The following SLA2 variants were observed in gnomAD, a reference collection of about 807,000 sequenced individuals.
SLA2 encodes the protein src-like-adapter 2.
Under a neutral mutation model 27.3 loss-of-function variants are expected in SLA2, and 22 were observed. That is an observed-to-expected ratio of 0.81 (90% CI 0.58 to 1.15). The LOEUF (loss-of-function observed/expected upper bound fraction) is 1.15, where lower values mean the gene tolerates loss of function less well. Ranked by LOEUF, SLA2 falls within the 50% of genes most tolerant of loss-of-function variation. The pLI, the probability that SLA2 is intolerant of heterozygous loss-of-function variation, is 0.00. For synonymous variants in SLA2, 131 were observed against 137.8 expected (o/e 0.95, Z 0.34); for missense variants, 304 against 322.2 (o/e 0.94, Z 0.43).
At chr20:36,614,544 C>T in intron 6 of SLA2, 107 bp from the exon 7 acceptor site, 2 of 1,492,968 alleles carry the variant, frequency 1.3e-6, no homozygotes, top group Non-Finnish European at 1.8e-6. Flanking sequence ...GCATGGTTAC[C>T]AAAGAGTGAT....
At chr20:36,642,456 T>C (rs1450265377) in intron 1 of SLA2, among the ~76,000 whole-genome samples, 3 of 151,358 alleles carry the variant, frequency 2.0e-5, no homozygotes, top group Non-Finnish European at 1.5e-5. Context: ...CAGGCTAGAG[T>C]GTAGTGGTGT....
At chr20:36,635,529 A>G (rs1218050400) in intron 2 of SLA2, among the ~76,000 whole-genome samples, 3 of 151,884 alleles carry the variant, frequency 2.0e-5, no homozygotes, top group Non-Finnish European at 4.4e-5. Context: ...CCGGGTGGGC[A>G]TGGGAAGACC....
At chr20:36,635,604 T>C (rs1468885998) in intron 2 of SLA2, among the ~76,000 whole-genome samples, 1 of 152,062 alleles carries the variant, frequency 6.6e-6, no homozygotes, top group Non-Finnish European at 1.5e-5. Context: ...GACCCTGCAG[T>C]GAACCCAGCC....
intron 1 of SLA2, among the ~76,000 whole-genome samples, chr20:36,643,952 C>T: frequency 6.6e-6 from 1 of 151,752 alleles, no homozygotes; most frequent in Admixed American, 6.6e-5. Context: ...ACTCTGTACC[C>T]CCCTCCCGCC....
At chr20:36,644,395 C>T (rs774620594) in intron 1 of SLA2, among the ~76,000 whole-genome samples, 7 of 152,164 alleles carry the variant, frequency 4.6e-5, no homozygotes, top group East Asian at 1.9e-4. Flanking sequence ...ACAGGCGCCA[C>T]GGGGCTGTGG....
At chr20:36,626,403 C>A (rs75265339) in intron 5 of SLA2, among the ~76,000 whole-genome samples, 2 of 148,948 alleles carry the variant, frequency 1.3e-5, no homozygotes, top group Admixed American at 6.7e-5. Flanking sequence ...AAAAAAAAAA[C>A]ACACACAAAA....
chr20:36,624,757 T>G (rs1253812234), intron 5 of SLA2, among the ~76,000 whole-genome samples: 1 of 152,206 alleles, frequency 6.6e-6, no homozygotes, highest in Non-Finnish European at 1.5e-5. Flanking sequence ...ATATTGAGCA[T>G]TTACTAAGAC....
At chr20:36,625,216 A>ATTTTTTTTTTTTTTTTTTTTT (rs71186005) in intron 5 of SLA2, among the ~76,000 whole-genome samples, 2 of 78,490 alleles carry the variant, frequency 2.5e-5, no homozygotes, top group African/African-American at 1.1e-4. Flanking sequence ...ACGTACCCTG[A>ATTTTTTTTTTTTTTTTTTTTT]TTTTTTTTTT....
chr20:36,614,979 C>T (rs2039191305), intron 6 of SLA2: 2 of 985,396 alleles, frequency 2.0e-6, no homozygotes, highest in East Asian at 1.1e-4. Flanking sequence ...GAGTCAGAAC[C>T]AGAGTGGTAG....
intron 2 of SLA2, among the ~76,000 whole-genome samples, 162 bp from the exon 3 acceptor site, chr20:36,634,751 T>C (rs1461022025): frequency 6.6e-6 from 1 of 151,804 alleles, no homozygotes; most frequent in Non-Finnish European, 1.5e-5. Context: ...AATCAAGCTT[T>C]TCCAGCAGAA....
In SLA2 at chr20:36,621,503, G is replaced by A. The variant is rs552340370; in HGVS notation, c.383-6129C>T. ...TGTCACCAGGCTGAAGTGCAGTGGC[G>A]CGATCTCGGCTCACTGCAGGATCTC... On this transcript the variant is annotated intron_variant, in intron 5 of 7. Transcript: ENST00000262866. 9.9e-4 allele frequency: 298 copies of A among 302,518 alleles called. 3 individuals carry two copies. The highest frequency in any genetic ancestry group is 6.6e-3 in the African/African-American group (280 of 42,330). 18.7% of individuals were successfully genotyped at this position (302,518 alleles called of 1,614,324 possible).
intron 2 of SLA2, among the ~76,000 whole-genome samples, chr20:36,637,690 G>A (rs1407830161): frequency 1.6e-5 from 2 of 121,514 alleles, no homozygotes; most frequent in African/African-American, 3.1e-5. Context: ...GCAGTGGCAT[G>A]ATCTTGGCTC....
In SLA2 at chr20:36,634,159, T is replaced by C. The variant is rs551950179; in HGVS notation, c.191+331A>G. 1.1e-4 allele frequency among the ~76,000 whole-genome samples: 16 copies of C among 152,074 alleles called. No individual in the cohort carries two copies. In the East Asian group the frequency reaches 2.9e-3, roughly 28 times the overall value. On this transcript the variant is annotated intron_variant, in intron 3 of 7. Transcript: ENST00000262866. ...TCTGCCACCAAGCCCGGCTAATTTT[T>C]GTATTTTTAGTAGAGACGGTTTCAC...
chr20:36,641,492 C>T, intron 1 of SLA2, 114 bp from the exon 2 acceptor site: 1 of 580,708 alleles, frequency 1.7e-6, no homozygotes, highest in Admixed American at 2.7e-5. Context: ...GAATGACCTC[C>T]CTCCTGTGGG....
chr20:36,627,765 G>A (rs1162223615), intron 5 of SLA2, among the ~76,000 whole-genome samples: 3 of 152,126 alleles, frequency 2.0e-5, no homozygotes, highest in Admixed American at 6.6e-5. Flanking sequence ...TGGCTGTCCC[G>A]AGGCCTATCA....
intron 1 of SLA2, among the ~76,000 whole-genome samples, chr20:36,642,227 C>T (rs974997531): frequency 5.1e-4 from 8 of 15,574 alleles, no homozygotes; most frequent in Admixed American, 3.3e-3. Flanking sequence ...GCAGTGATGA[C>T]TTGCAAGGCT....
intron 6 of SLA2, chr20:36,615,016 G>A: frequency 7.1e-6 from 7 of 985,424 alleles, no homozygotes; most frequent in Non-Finnish European, 7.2e-6. Context: ...AGCCTACACA[G>A]GAGGTCTGTG....
Position 36,613,569 on chromosome 20 carries a change from G to GAACT in SLA2, c.*293_*296dup, listed in dbSNP as rs1211831750. Reference sequence around the variant, plus strand: ...ATGGTACTGGAAACCCCAAACTCAAGAACTAACTAGGTCAGACCCCCCAGG... The same window carrying GAACT: ...ATGGTACTGGAAACCCCAAACTCAAGAACTAACTAACTAGGTCAGACCCCCCAGG... On this transcript the variant is annotated 3_prime_UTR_variant, in exon 8 of 8. Coordinates refer to ENST00000262866, the MANE Select transcript of SLA2 (RefSeq NM_032214.4). 2 of 266,576 alleles carry GAACT rather than the reference G, an allele frequency of 7.5e-6. No homozygotes were observed. Among genetic ancestry groups the GAACT allele is most frequent in the African/African-American group, 4.4e-5 (2 of 45,008 alleles). The allele number at this position is 266,576 out of a possible 1,614,324, so 16.5% of individuals were successfully genotyped here.
chr20:36,627,772 A>G (rs1044053924), intron 5 of SLA2, among the ~76,000 whole-genome samples: 7 of 152,218 alleles, frequency 4.6e-5, no homozygotes, highest in Non-Finnish European at 8.8e-5. Context: ...CCCGAGGCCT[A>G]TCATATAGCC....
Sources: allele counts gnomAD v4.1 joint callset (sites outside exome capture counted in the v4.1 genomes callset), GRCh38; gene constraint gnomAD v4.1.1; transcripts MANE v1.5; gene names NCBI Gene and HGNC (gene_info 2026-07-23, HGNC 2026-07-21).